Variants in PARD3 observed in about 807,000 individuals in gnomAD.
PARD3 encodes the protein par-3 family cell polarity regulator.
Under a neutral mutation model 155.4 loss-of-function variants are expected in PARD3, and 75 were observed. The ratio of observed to expected loss-of-function variants is 0.48; its 90% CI spans 0.40 to 0.58. The LOEUF (loss-of-function observed/expected upper bound fraction) is 0.58, where lower values mean the gene tolerates loss of function less well. Among genes scored for constraint, PARD3 ranks in the 20% least tolerant of loss-of-function variants. PARD3 has a pLI of 0.00. For synonymous variants in PARD3, 576 were observed against 610.5 expected (o/e 0.94, Z 0.83); for missense variants, 1,642 against 1,721.7 (o/e 0.95, Z 0.82).
chr10:34,601,268 G>GA (rs61230086), intron 2 of PARD3, among the ~76,000 whole-genome samples: 4,543 of 123,084 alleles, frequency 0.037, 227 homozygotes, highest in African/African-American at 0.12. Flanking sequence ...TCTCTACAAA[G>GA]AAAAAAAAAA....
At chr10:34,392,643 C>T (rs1372613901) in intron 7 of PARD3, among the ~76,000 whole-genome samples, 4 of 152,036 alleles carry the variant, frequency 2.6e-5, no homozygotes, top group African/African-American at 9.7e-5. Flanking sequence ...AAGGATTGTT[C>T]TGTGAGTACA....
chr10:34,295,370 A>G (rs1418979119), intron 20 of PARD3, among the ~76,000 whole-genome samples: 11 of 150,986 alleles, frequency 7.3e-5, no homozygotes, highest in Non-Finnish European at 1.6e-4. Flanking sequence ...CAAGCGTCCA[A>G]ATATACAACT....
intron 3 of PARD3, 72 bp from the exon 4 acceptor site, chr10:34,470,335 G>A: frequency 8.8e-7 from 1 of 1,138,210 alleles, no homozygotes; most frequent in South Asian, 1.9e-5. Flanking sequence ...GGAGAACGTA[G>A]GGAAATCCTA....
intron 2 of PARD3, among the ~76,000 whole-genome samples, chr10:34,695,650 G>A (rs895490778): frequency 6.6e-6 from 1 of 152,134 alleles, no homozygotes; most frequent in African/African-American, 2.4e-5. Context: ...AGAGCAGTAG[G>A]TGGATAGGTC....
At chr10:34,774,917 G>T (rs1839349407) in intron 1 of PARD3, among the ~76,000 whole-genome samples, 1 of 152,216 alleles carries the variant, frequency 6.6e-6, no homozygotes, top group South Asian at 2.1e-4. Context: ...ACTCCTGGAA[G>T]TTTACCTAGT....
Position 34,119,657 on chromosome 10 carries a change from G to A in PARD3, c.3624C>T (p.Arg1208=), listed in dbSNP as rs1564407422. The change falls in exon 24 of 25, where the codon CGC becomes CGT. Residue 1208 remains arginine (R), a synonymous_variant. Coordinates refer to ENST00000374788, the MANE Select transcript of PARD3 (RefSeq NM_001184785.2). ...GGCGCTGGGCCTGCTGGGAGCTCTC[G>A]CGCTCCTCCTGCCGCTGCCGCTGCA... ...VQMQRQRQEE[R]ESSQQAQRQY... The A allele has an allele frequency of 1.2e-6, 2 of 1,610,518 alleles. No homozygotes were observed. Among genetic ancestry groups the A allele is most frequent in the Non-Finnish European group, 8.5e-7 (1 of 1,178,962 alleles).
At chr10:34,786,749 C>A (rs1015072088) in intron 1 of PARD3, among the ~76,000 whole-genome samples, 12 of 152,220 alleles carry the variant, frequency 7.9e-5, no homozygotes, top group Admixed American at 7.9e-4. Context: ...CCACTCCTGA[C>A]ACTTACTGCT....
intron 2 of PARD3, among the ~76,000 whole-genome samples, chr10:34,607,013 G>A (rs2132576911): frequency 6.6e-6 from 1 of 150,702 alleles, no homozygotes; most frequent in South Asian, 2.1e-4. Context: ...TGGAGCATGA[G>A]CATGTAAGTA....
chr10:34,349,097 G>T (rs1254831440), intron 14 of PARD3, among the ~76,000 whole-genome samples: 8 of 152,170 alleles, frequency 5.3e-5, no homozygotes, highest in Non-Finnish European at 8.8e-5. Flanking sequence ...GACAGGAAGG[G>T]CCAATGTGGG....
intron 2 of PARD3, among the ~76,000 whole-genome samples, chr10:34,679,672 G>A (rs931932707): frequency 2.7e-4 from 41 of 152,176 alleles, no homozygotes; most frequent in African/African-American, 9.4e-4. Context: ...AGAGGAGGGA[G>A]GGTGTTTTTA....
In PARD3 at chr10:34,153,304, G is replaced by A. The variant is rs141704593; in HGVS notation, c.3420-21721C>T. Among the ~76,000 whole-genome samples, 151 of 152,218 alleles carry A rather than the reference G, an allele frequency of 9.9e-4. 1 individual carries two copies. The highest frequency in any genetic ancestry group is 3.4e-3 in the African/African-American group (143 of 41,528). ...TGGAATTACAGGTGTGAGATACTGC[G>A]CCTGTCCAGGAGCCATTTTAATCTG... On this transcript the variant is annotated intron_variant, in intron 22 of 24. Transcript: ENST00000374788.
In PARD3 at chr10:34,226,715, C is replaced by A. The variant is rs950426827; in HGVS notation, c.3419+42942G>T. ...CTTAGCAAATAACTCTGCAATCTCA[C>A]CCCTGGGAAATAAAACGTGTCCACA... On this transcript the variant is annotated intron_variant, in intron 22 of 24. Transcript: ENST00000374788. Among the ~76,000 whole-genome samples, 3 of 152,160 alleles carry A rather than the reference C, an allele frequency of 2.0e-5. No homozygotes were observed. In the East Asian group the frequency reaches 5.8e-4, roughly 29 times the overall value.
At chr10:34,648,550 C>T (rs550649437) in intron 2 of PARD3, among the ~76,000 whole-genome samples, 2 of 152,282 alleles carry the variant, frequency 1.3e-5, no homozygotes, top group South Asian at 4.2e-4. Context: ...GCCTCCGCCT[C>T]AGATCATCAG....
chr10:34,757,433 G>A (rs114554299), intron 1 of PARD3, among the ~76,000 whole-genome samples: 1,989 of 152,214 alleles, frequency 0.013, 51 homozygotes, highest in African/African-American at 0.044. Context: ...GGCCGGGTGC[G>A]GTGGCTCATG....
intron 2 of PARD3, among the ~76,000 whole-genome samples, chr10:34,628,351 G>A (rs1481602654): frequency 6.6e-6 from 1 of 152,172 alleles, no homozygotes; most frequent in Admixed American, 6.5e-5. Context: ...AACCTGATTG[G>A]GAAATCTCTA....
chr10:34,427,063 T>A (rs1282838045), intron 5 of PARD3, among the ~76,000 whole-genome samples: 1 of 152,230 alleles, frequency 6.6e-6, no homozygotes, highest in Non-Finnish European at 1.5e-5. Flanking sequence ...AGGATGTATG[T>A]CGCCTCAGGA....
At chr10:34,406,078 G>A (rs951677202) in intron 5 of PARD3, among the ~76,000 whole-genome samples, 5 of 152,184 alleles carry the variant, frequency 3.3e-5, no homozygotes, top group African/African-American at 1.2e-4. Context: ...AAACTGCAGA[G>A]TTTAATCAAA....
At chr10:34,695,646 G>C (rs2094155793) in intron 2 of PARD3, among the ~76,000 whole-genome samples, 1 of 152,162 alleles carries the variant, frequency 6.6e-6, no homozygotes, top group African/African-American at 2.4e-5. Context: ...CTGAAGAGCA[G>C]TAGGTGGATA....
intron 5 of PARD3, among the ~76,000 whole-genome samples, chr10:34,419,478 C>T (rs1455120052): frequency 6.6e-6 from 1 of 152,016 alleles, no homozygotes; most frequent in Non-Finnish European, 1.5e-5. Context: ...GATTGTGCCA[C>T]TGCACTCCAG....
Sources: gnomAD v4.1 joint callset for allele counts (sites outside exome capture counted in the v4.1 genomes callset) on GRCh38, gnomAD v4.1.1 for gene constraint, MANE v1.5 for transcripts, NCBI Gene and HGNC (gene_info 2026-07-23, HGNC 2026-07-21) for gene names.